IL34: variants seen among roughly 807,000 people sequenced by gnomAD.
IL34 encodes interleukin-34.
IL34 carries 17 observed loss-of-function variants against 25.3 expected under a neutral mutation model. The ratio of observed to expected loss-of-function variants is 0.67; its 90% CI spans 0.46 to 1.01. The LOEUF (loss-of-function observed/expected upper bound fraction) is 1.01. Ranked by LOEUF, IL34 falls within the 50% of genes least tolerant of loss-of-function variation. The pLI, the probability that IL34 is intolerant of heterozygous loss-of-function variation, is 0.00. For synonymous variants in IL34, 174 were observed against 140.9 expected (o/e 1.23, Z -1.66); for missense variants, 368 against 312.9 (o/e 1.18, Z -1.33).
intron 1 of IL34, among the ~76,000 whole-genome samples, chr16:70,634,052 T>C (rs1324929958): frequency 1.3e-5 from 2 of 151,962 alleles, no homozygotes; most frequent in African/African-American, 2.4e-5. Flanking sequence ...GGTTTCACCA[T>C]GTTGGCCAGG....
intron 1 of IL34, among the ~76,000 whole-genome samples, chr16:70,613,997 G>A (rs530977634): frequency 3.3e-5 from 5 of 152,002 alleles, no homozygotes; most frequent in African/African-American, 9.7e-5. Context: ...AGACCAGCCT[G>A]GGCAATACAA....
At chr16:70,605,225 T>A (rs534211973) in intron 1 of IL34, among the ~76,000 whole-genome samples, 4 of 152,224 alleles carry the variant, frequency 2.6e-5, no homozygotes, top group Admixed American at 2.0e-4. Context: ...GAAGAAAGGC[T>A]GTTGTGAGTC....
upstream of IL34, among the ~76,000 whole-genome samples, chr16:70,643,674 C>G (rs2051840379): frequency 6.6e-6 from 1 of 152,224 alleles, no homozygotes; most frequent in African/African-American, 2.4e-5. Flanking sequence ...CACACGCAGC[C>G]TGTACACTTT....
At chr16:70,585,356 T>G (rs958099657) in intron 1 of IL34, among the ~76,000 whole-genome samples, 1 of 152,210 alleles carries the variant, frequency 6.6e-6, no homozygotes, top group Non-Finnish European at 1.5e-5. Context: ...CTCAGGTTGC[T>G]GAGACCACAG....
intron 1 of IL34, among the ~76,000 whole-genome samples, chr16:70,640,718 A>G (rs1162096251): frequency 6.6e-6 from 1 of 152,068 alleles, no homozygotes; most frequent in East Asian, 1.9e-4. Flanking sequence ...TAGTTGATGT[A>G]TGGTAAAGCT....
chr16:70,628,517 T>C (rs2051446316), intron 1 of IL34, among the ~76,000 whole-genome samples: 1 of 151,430 alleles, frequency 6.6e-6, no homozygotes, highest in Non-Finnish European at 1.5e-5. Flanking sequence ...GACAGAGTCT[T>C]GCTCTGTTGC....
At chr16:70,583,060 G>A (rs1000251735) in intron 1 of IL34, among the ~76,000 whole-genome samples, 3 of 152,164 alleles carry the variant, frequency 2.0e-5, no homozygotes, top group Admixed American at 6.6e-5. Context: ...GAAGAACTTC[G>A]AAGATCAAGT....
chr16:70,623,054 C>T (rs1369261501), intron 1 of IL34, among the ~76,000 whole-genome samples: 1 of 152,014 alleles, frequency 6.6e-6, no homozygotes, highest in Non-Finnish European at 1.5e-5. Context: ...CGGACACGAG[C>T]AGCAGGGGGA....
intron 1 of IL34, among the ~76,000 whole-genome samples, chr16:70,637,585 C>G (rs1319195458): frequency 7.3e-6 from 1 of 136,630 alleles, no homozygotes; most frequent in African/African-American, 2.6e-5. Flanking sequence ...CTCAGATGAT[C>G]TGCCCCCCCT....
chr16:70,580,417 G>GC (rs1179001559), intron 1 of IL34, among the ~76,000 whole-genome samples: 1 of 152,236 alleles, frequency 6.6e-6, no homozygotes, highest in African/African-American at 2.4e-5. Flanking sequence ...ACTATATATT[G>GC]CCGTAGGTCT....
chr16:70,623,588 G>T (rs1279136072), intron 1 of IL34, among the ~76,000 whole-genome samples: 1 of 152,034 alleles, frequency 6.6e-6, no homozygotes, highest in Non-Finnish European at 1.5e-5. Context: ...ATGGTAAGGG[G>T]TGCATGATCA....
intron 1 of IL34, among the ~76,000 whole-genome samples, chr16:70,630,092 G>A (rs1037413526): frequency 2.6e-5 from 4 of 152,044 alleles, no homozygotes; most frequent in African/African-American, 9.7e-5. Flanking sequence ...ACATACAAGT[G>A]AAAATATGTA....
chr16:70,604,000 G>T (rs1035715049), intron 1 of IL34, among the ~76,000 whole-genome samples: 1 of 152,178 alleles, frequency 6.6e-6, no homozygotes, highest in African/African-American at 2.4e-5. Context: ...TGCATTAATT[G>T]CTTTAATTAG....
chr16:70,658,628 C>G (rs186424528), intron 4 of IL34, among the ~76,000 whole-genome samples: 39 of 151,956 alleles, frequency 2.6e-4, no homozygotes, highest in African/African-American at 8.7e-4. Flanking sequence ...ATTATAGATG[C>G]CTGCCACCAC....
chr16:70,631,492 T>C (rs573437830), intron 1 of IL34, among the ~76,000 whole-genome samples: 200 of 152,320 alleles, frequency 1.3e-3, no homozygotes, highest in Middle Eastern at 0.01. Flanking sequence ...TTTTAATATG[T>C]TAAAAACAAA....
chr16:70,592,948 G>A (rs944067737), intron 1 of IL34, among the ~76,000 whole-genome samples: 5 of 151,790 alleles, frequency 3.3e-5, no homozygotes, highest in African/African-American at 7.3e-5. Context: ...CCACCGTGCC[G>A]GCCCTATTTT....
chr16:70,644,313 G>A (rs895970743), upstream of IL34, among the ~76,000 whole-genome samples: 2 of 151,940 alleles, frequency 1.3e-5, no homozygotes, highest in Non-Finnish European at 2.9e-5. Context: ...TGATTCACCC[G>A]CCTCGGCCTC....
At chr16:70,583,151 C>G (rs1252313382) in intron 1 of IL34, among the ~76,000 whole-genome samples, 1 of 152,112 alleles carries the variant, frequency 6.6e-6, no homozygotes, top group African/African-American at 2.4e-5. Flanking sequence ...CTTGCTCTGT[C>G]ACCCAGGCTG....
At chr16:70,650,326 G>A (rs75019575) in intron 1 of IL34, among the ~76,000 whole-genome samples, 5,176 of 152,294 alleles carry the variant, frequency 0.034, 301 homozygotes, top group African/African-American at 0.12. Context: ...TGATGTTTGG[G>A]CTGCACTCAG....
Sources: allele counts gnomAD v4.1 joint callset (sites outside exome capture counted in the v4.1 genomes callset), GRCh38; gene constraint gnomAD v4.1.1; transcripts MANE v1.5; gene names NCBI Gene and HGNC (gene_info 2026-07-23, HGNC 2026-07-21).